Variants in ABTB2 observed in about 807,000 individuals in gnomAD.
The protein encoded by ABTB2 is ankyrin repeat and BTB domain containing 2, also known as ankyrin repeat and BTB/POZ domain-containing protein 2.
Under a neutral mutation model 104.1 loss-of-function variants are expected in ABTB2, and 56 were observed. That is an observed-to-expected ratio of 0.54 (90% CI 0.43 to 0.67). ABTB2 has a LOEUF of 0.67. Among genes scored for constraint, ABTB2 ranks in the 30% least tolerant of loss-of-function variants. The pLI is 0.00. For synonymous variants in ABTB2, 606 were observed against 608.2 expected (o/e 1.00, Z 0.05); for missense variants, 1,279 against 1,407.7 (o/e 0.91, Z 1.46).
intron 1 of ABTB2, among the ~76,000 whole-genome samples, chr11:34,352,323 A>C (rs781143527): frequency 6.6e-6 from 1 of 152,222 alleles, no homozygotes; most frequent in Non-Finnish European, 1.5e-5. Flanking sequence ...ATTACTGGCT[A>C]TTACTAATAA....
chr11:34,182,879 T>A (rs932294047), intron 3 of ABTB2, among the ~76,000 whole-genome samples: 3 of 152,106 alleles, frequency 2.0e-5, no homozygotes, highest in African/African-American at 7.2e-5. Flanking sequence ...GTTTTATACA[T>A]GGGGAAACTG....
At position 34,248,096 on chromosome 11, in the gene ABTB2, TAAAAAAAAAAA is replaced by T. The variant is rs1157412906; in HGVS notation, c.884-43417_884-43407del. Among the ~76,000 whole-genome samples, 2 of 116,232 alleles carry T rather than the reference TAAAAAAAAAAA, an allele frequency of 1.7e-5. 1 individual carries two copies. The highest frequency in any genetic ancestry group is 3.6e-5 in the Non-Finnish European group (2 of 54,958). The allele number at this position is 116,232 out of a possible 152,430, so 76.3% of individuals were successfully genotyped here. ...CAATTTACTTATCTATAATTTTTCT[TAAAAAAAAAAA>T]AAAAAAAAAAAAAAACAGGGTCTTG... On this transcript the variant is annotated intron_variant, in intron 1 of 16. Coordinates refer to ENST00000435224, the MANE Select transcript of ABTB2 (RefSeq NM_145804.3).
At chr11:34,346,357 C>T (rs552739993) in intron 1 of ABTB2, among the ~76,000 whole-genome samples, 13 of 152,164 alleles carry the variant, frequency 8.5e-5, no homozygotes, top group Admixed American at 7.2e-4. Flanking sequence ...GAAGTCACCT[C>T]GGAGCTGGAT....
At chr11:34,298,115 G>A (rs1204918746) in intron 1 of ABTB2, among the ~76,000 whole-genome samples, 1 of 149,710 alleles carries the variant, frequency 6.7e-6, no homozygotes, top group Non-Finnish European at 1.5e-5. Flanking sequence ...AAATTACCCA[G>A]TCTCAGGTGT....
intron 1 of ABTB2, among the ~76,000 whole-genome samples, chr11:34,281,580 G>A (rs1001569067): frequency 2.0e-5 from 3 of 152,196 alleles, no homozygotes; most frequent in Admixed American, 6.5e-5. Flanking sequence ...GCTGGGCAGG[G>A]CAATGAAGGC....
intron 1 of ABTB2, among the ~76,000 whole-genome samples, chr11:34,286,631 G>C (rs1380865673): frequency 1.3e-5 from 2 of 151,986 alleles, no homozygotes; most frequent in South Asian, 2.1e-4. Context: ...TCCATTCCTA[G>C]GTTCCTTCGC....
intron 1 of ABTB2, among the ~76,000 whole-genome samples, chr11:34,351,157 C>T (rs554019688): frequency 1.3e-4 from 20 of 152,294 alleles, no homozygotes; most frequent in African/African-American, 3.8e-4. Flanking sequence ...TTCAGAACTT[C>T]CCATTCTTGG....
At chr11:34,168,646 A>T (rs1420831149) in intron 5 of ABTB2, among the ~76,000 whole-genome samples, 3 of 152,210 alleles carry the variant, frequency 2.0e-5, no homozygotes, top group African/African-American at 7.2e-5. Flanking sequence ...GAGAGGTTGA[A>T]CTCGGGGCAG....
At chr11:34,315,233 A>T (rs1854911847) in intron 1 of ABTB2, among the ~76,000 whole-genome samples, 1 of 152,202 alleles carries the variant, frequency 6.6e-6, no homozygotes, top group Admixed American at 6.5e-5. Context: ...AGGAGCCCCA[A>T]ATTACCACAG....
chr11:34,153,337 A>AT (rs1852574775), intron 16 of ABTB2, among the ~76,000 whole-genome samples: 1 of 152,038 alleles, frequency 6.6e-6, no homozygotes, highest in South Asian at 2.1e-4. Context: ...CTTTGGTGGG[A>AT]TTAAGTATGG....
chr11:34,311,558 C>T (rs1854854750), intron 1 of ABTB2, among the ~76,000 whole-genome samples: 1 of 152,144 alleles, frequency 6.6e-6, no homozygotes, highest in African/African-American at 2.4e-5. Context: ...GAAGCCGCTG[C>T]TAATATTTTG....
chr11:34,165,004 G>A (rs929047820), intron 8 of ABTB2, among the ~76,000 whole-genome samples, 183 bp from the exon 9 acceptor site: 1 of 152,216 alleles, frequency 6.6e-6, no homozygotes, highest in African/African-American at 2.4e-5. Context: ...GCCGTGCCCT[G>A]CCCCTGCTCC....
At chr11:34,190,524 G>A (rs1853162269) in intron 3 of ABTB2, among the ~76,000 whole-genome samples, 1 of 152,128 alleles carries the variant, frequency 6.6e-6, no homozygotes, top group Non-Finnish European at 1.5e-5. Flanking sequence ...CATTCTCCTA[G>A]AGCCCTTCTC....
At chr11:34,340,593 T>C (rs1399081024) in intron 1 of ABTB2, among the ~76,000 whole-genome samples, 1 of 152,158 alleles carries the variant, frequency 6.6e-6, no homozygotes, top group African/African-American at 2.4e-5. Context: ...GGTCCTACTC[T>C]TCTCAGAGAT....
chr11:34,257,664 C>A (rs1351047678), intron 1 of ABTB2, among the ~76,000 whole-genome samples: 1 of 152,178 alleles, frequency 6.6e-6, no homozygotes, highest in African/African-American at 2.4e-5. Context: ...ACATGGCTCA[C>A]TGCAGCTTCG....
chr11:34,277,327 C>T (rs4756126), intron 1 of ABTB2, among the ~76,000 whole-genome samples: 24,433 of 151,986 alleles, frequency 0.16, 2,434 homozygotes, highest in African/African-American at 0.26. Context: ...GGTCTTAGCC[C>T]GTGGAGGTAG....
intron 3 of ABTB2, among the ~76,000 whole-genome samples, chr11:34,192,685 G>C (rs555548704): frequency 3.3e-5 from 5 of 152,260 alleles, no homozygotes; most frequent in Non-Finnish European, 7.3e-5. Flanking sequence ...CTGTGGACCA[G>C]TGGCCCTCTG....
intron 1 of ABTB2, among the ~76,000 whole-genome samples, chr11:34,331,748 G>T (rs2133117207): frequency 6.6e-6 from 1 of 152,346 alleles, no homozygotes; most frequent in South Asian, 2.1e-4. Flanking sequence ...AGAGCCAGAA[G>T]ATCTATGTAT....
At chr11:34,270,701 G>A (rs1362233474) in intron 1 of ABTB2, among the ~76,000 whole-genome samples, 1 of 152,190 alleles carries the variant, frequency 6.6e-6, no homozygotes, top group African/African-American at 2.4e-5. Context: ...GACCAGGCAT[G>A]CAAGGTAAAC....
Sources: gnomAD v4.1 joint callset for allele counts (sites outside exome capture counted in the v4.1 genomes callset) on GRCh38, gnomAD v4.1.1 for gene constraint, MANE v1.5 for transcripts, NCBI Gene and HGNC (gene_info 2026-07-23, HGNC 2026-07-21) for gene names.